BAZ1A: variants seen among roughly 807,000 people sequenced by gnomAD.
BAZ1A encodes bromodomain adjacent to zinc finger domain protein 1A.
Under a neutral mutation model 185.2 loss-of-function variants are expected in BAZ1A, and 50 were observed. The ratio of observed to expected loss-of-function variants is 0.27; its 90% CI spans 0.22 to 0.34. The LOEUF is 0.34. BAZ1A is among the 10% of genes least tolerant of loss of function. BAZ1A has a pLI of 1.00. For missense variants in BAZ1A, 1,356 were observed against 1,839.9 expected (o/e 0.74, Z 4.81); for synonymous variants, 571 against 615.6 (o/e 0.93, Z 1.07).
At chr14:34,775,177 C>T (rs1157183448) in intron 18 of BAZ1A, among the ~76,000 whole-genome samples, 3 of 151,436 alleles carry the variant, frequency 2.0e-5, no homozygotes, top group Non-Finnish European at 4.4e-5. Flanking sequence ...ACAGCCTGGG[C>T]AACAAAAGCG....
At chr14:34,824,477 C>T (rs947034981) in intron 4 of BAZ1A, among the ~76,000 whole-genome samples, 5 of 144,264 alleles carry the variant, frequency 3.5e-5, no homozygotes, top group African/African-American at 7.6e-5. Flanking sequence ...GCTTCATTCA[C>T]TCACCTAAAA....
chr14:34,867,272 A>G (rs1056777486), intron 2 of BAZ1A, among the ~76,000 whole-genome samples: 1 of 150,864 alleles, frequency 6.6e-6, no homozygotes, highest in African/African-American at 2.4e-5. Flanking sequence ...CAAAAAAAAG[A>G]AAAAAAAAAT....
chr14:34,768,811 ATTT>A (rs776722139), intron 21 of BAZ1A: 3 of 387,400 alleles, frequency 7.7e-6, no homozygotes, highest in Non-Finnish European at 1.0e-5. Flanking sequence ...TTAGTTGAAG[ATTT>A]TTTTTTCATA....
chr14:34,793,344 T>C (rs1880972067), intron 11 of BAZ1A, among the ~76,000 whole-genome samples: 1 of 152,240 alleles, frequency 6.6e-6, no homozygotes, highest in Non-Finnish European at 1.5e-5. Context: ...AATCCTAATA[T>C]TATGTCTAAG....
intron 5 of BAZ1A, among the ~76,000 whole-genome samples, chr14:34,809,433 T>A (rs546935611): frequency 6.6e-6 from 1 of 152,302 alleles, no homozygotes; most frequent in African/African-American, 2.4e-5. Context: ...ACATTTCAAA[T>A]GCTCAATAGT....
chr14:34,854,809 G>A (rs1472965960), intron 3 of BAZ1A, among the ~76,000 whole-genome samples: 1 of 152,136 alleles, frequency 6.6e-6, no homozygotes, highest in East Asian at 1.9e-4. Context: ...GCTCGGCACA[G>A]TGGCTCATGC....
At chr14:34,777,849 G>C (rs1447853593) in intron 17 of BAZ1A, among the ~76,000 whole-genome samples, 1 of 151,882 alleles carries the variant, frequency 6.6e-6, no homozygotes, top group East Asian at 1.9e-4. Flanking sequence ...AAATCAGCCA[G>C]GTGTGGTGGT....
At chr14:34,755,671 ACTTCTATTC>A (rs1886207294) in intron 25 of BAZ1A, among the ~76,000 whole-genome samples, 1 of 152,128 alleles carries the variant, frequency 6.6e-6, no homozygotes. Flanking sequence ...TACCATGATA[ACTTCTATTC>A]CAGTACCATA....
At chr14:34,816,816 T>C (rs2042013239) in intron 4 of BAZ1A, 2 of 447,638 alleles carry the variant, frequency 4.5e-6, no homozygotes, top group Non-Finnish European at 9.0e-6. Context: ...GAATTTGTGA[T>C]TGTAGATCAA....
intron 6 of BAZ1A, among the ~76,000 whole-genome samples, chr14:34,804,653 TGG>T (rs1352443944): frequency 6.6e-6 from 1 of 152,216 alleles, no homozygotes; most frequent in African/African-American, 2.4e-5. Flanking sequence ...CAGAATTATG[TGG>T]GGTAACAGGA....
chr14:34,785,766 G>A lies in BAZ1A; in HGVS notation c.1831+11C>T. On this transcript the variant is annotated intron_variant, in intron 14 of 26. Transcript: ENST00000360310. ...GGGCAGGTTATGCAAATTCCAACTT[G>A]CAAAGCTTACCTGGTGTCAAATCAT... 2 of 1,612,590 alleles carry A rather than the reference G, an allele frequency of 1.2e-6. No homozygotes were observed. The highest frequency in any genetic ancestry group is 1.7e-4 in the Middle Eastern group (1 of 6,050).
intron 6 of BAZ1A, 114 bp from the exon 7 acceptor site, chr14:34,803,102 T>C: frequency 8.9e-7 from 1 of 1,128,136 alleles, no homozygotes; most frequent in East Asian, 2.4e-5. Context: ...CAGGATAGGC[T>C]GGGCACAGTG....
Position 34,753,649 on chromosome 14 carries a change from A to T in BAZ1A, c.4530T>A (p.Pro1510=). The T allele has an allele frequency of 6.2e-7, 1 of 1,613,600 alleles. No individual in the cohort carries two copies. Among genetic ancestry groups the T allele is most frequent in the Non-Finnish European group, 8.5e-7 (1 of 1,179,582 alleles). Residue 1510 remains proline (P), a synonymous_variant, in exon 27 of 27, where the codon CCT becomes CCA. Transcript: ENST00000360310. ...CAGCTTTTGCTTCACTTGTGTTACG[A>T]GGGTTGTATTCAAAGCAGTTCGAAA... ...LMFSNCFEYN[P]RNTSEAKAGT...
Position 34,874,725 on chromosome 14 carries a change from C to T in BAZ1A, c.-58-63G>A, listed in dbSNP as rs1488515913. On this transcript the variant is annotated intron_variant, in intron 1 of 26. Coordinates refer to ENST00000360310, the MANE Select transcript of BAZ1A (RefSeq NM_013448.3). The surrounding 1 kb of genome is among the most constrained non-coding windows in gnomAD (Gnocchi z 4.7). ...GGGAGCCCTCGGCGGCAGCGTGGGCCGGTCCGCGCGCTGGGAGAAGCTCGG... is the reference window on the plus strand; with the variant it reads ...GGGAGCCCTCGGCGGCAGCGTGGGCTGGTCCGCGCGCTGGGAGAAGCTCGG... The T allele has an allele frequency of 6.9e-6, 5 of 721,662 alleles. No individual in the cohort carries two copies. The African/African-American group carries it at 9.5e-5, about 14-fold the overall frequency. The allele number at this position is 721,662 out of a possible 1,614,324, so 44.7% of individuals were successfully genotyped here. A position where few individuals can be genotyped will look rare whatever the true frequency, so the allele number is the denominator to read the frequency against.
chr14:34,857,326 T>G (rs1385803204), intron 3 of BAZ1A, among the ~76,000 whole-genome samples: 1 of 151,044 alleles, frequency 6.6e-6, no homozygotes. Context: ...ATTTTAGAGG[T>G]AGGGTCTTGC....
At chr14:34,849,590 C>T (rs1343389733) in intron 3 of BAZ1A, among the ~76,000 whole-genome samples, 1 of 152,060 alleles carries the variant, frequency 6.6e-6, no homozygotes, top group Non-Finnish European at 1.5e-5. Flanking sequence ...TGGAGCAAAT[C>T]ACATTTGAAA....
In BAZ1A at chr14:34,822,664, C is replaced by G. The variant is rs978859766; in HGVS notation, c.536+3349G>C. On this transcript the variant is annotated intron_variant, in intron 4 of 26. Coordinates refer to ENST00000360310, the MANE Select transcript of BAZ1A (RefSeq NM_013448.3). Reference sequence around the variant, plus strand: ...ATAATTCATCAGCTTATTCACTTTTCTCATATCAAGGGTCTATTCCAAGTA... The same window carrying G: ...ATAATTCATCAGCTTATTCACTTTTGTCATATCAAGGGTCTATTCCAAGTA... Among the ~76,000 whole-genome samples the G allele has an allele frequency of 5.9e-5, 9 of 152,090 alleles. 1 individual carries two copies. The highest frequency in any genetic ancestry group is 5.9e-4 in the Admixed American group (9 of 15,272).
chr14:34,761,762 G>T lies in BAZ1A; in HGVS notation c.4238C>A (p.Ser1413Tyr). The change falls in exon 24 of 27, where the codon TCT becomes TAT. Residue 1413 changes from serine to tyrosine, a missense_variant. Around this residue, in one of 7 missense-constraint regions of BAZ1A, gnomAD observed 309 missense variants for 355.3 expected, o/e 0.87. Coordinates refer to ENST00000360310, the MANE Select transcript of BAZ1A (RefSeq NM_013448.3). ...ESKRRCRKRQSPEPSPVTLGR... is the reference protein window; with the variant it reads ...ESKRRCRKRQYPEPSPVTLGR... Reference sequence around the variant, plus strand: ...GAGTTTAGATTTCTTCATACCTGGAGATTGTCTTTTTCTGCATCTTCTTTT... The same window carrying T: ...GAGTTTAGATTTCTTCATACCTGGATATTGTCTTTTTCTGCATCTTCTTTT... 6.2e-7 allele frequency: 1 copy of T among 1,609,116 alleles called. No individual in the cohort carries two copies. The highest frequency in any genetic ancestry group is 1.1e-5 in the South Asian group (1 of 90,776).
intron 21 of BAZ1A, among the ~76,000 whole-genome samples, 163 bp from the exon 22 acceptor site, chr14:34,765,431 A>T (rs1878775873): frequency 1.3e-5 from 2 of 152,246 alleles, no homozygotes; most frequent in African/African-American, 4.8e-5. Context: ...ATCTCATGGA[A>T]AATATTTGCT....
Sources: allele counts gnomAD v4.1 joint callset (sites outside exome capture counted in the v4.1 genomes callset), GRCh38; gene constraint gnomAD v4.1.1; regional missense constraint gnomAD v4.1.1; non-coding constraint Gnocchi (gnomAD v3.1); transcripts MANE v1.5; gene names NCBI Gene and HGNC (gene_info 2026-07-23, HGNC 2026-07-21).